The following WDR37 variants were observed in gnomAD, a reference collection of about 807,000 sequenced individuals.
WDR37 encodes WD repeat domain 37.
Under a neutral mutation model 62.9 loss-of-function variants are expected in WDR37, and 19 were observed. That is an observed-to-expected ratio of 0.30 (90% confidence interval 0.21 to 0.44). WDR37 has a LOEUF of 0.44. Among genes scored for constraint, WDR37 ranks in the 20% least tolerant of loss-of-function variants. WDR37 has a pLI of 1.00. For missense variants in WDR37, 474 were observed against 657.6 expected, an observed-to-expected ratio of 0.72 and a Z score of 3.05; for synonymous variants, 250 against 260.9, an observed-to-expected ratio of 0.96 and a Z score of 0.40.
At chr10:1,126,221 C>T (rs188212358) in intron 13 of WDR37, among the ~76,000 whole-genome samples, 98 of 152,142 alleles carry the variant, frequency 6.4e-4, no homozygotes, top group South Asian at 1.5e-3. Flanking sequence ...CTGACTAACA[C>T]GGTGAAACCC....
At chr10:1,059,907 T>C (rs967481921) in intron 1 of WDR37, among the ~76,000 whole-genome samples, 10 of 152,110 alleles carry the variant, frequency 6.6e-5, no homozygotes, top group Non-Finnish European at 1.2e-4. Context: ...TGCAGCGGCA[T>C]GATCTCAGCT....
At chr10:1,071,392 T>C (rs1240117284) in intron 1 of WDR37, among the ~76,000 whole-genome samples, 2 of 152,178 alleles carry the variant, frequency 1.3e-5, no homozygotes, top group Non-Finnish European at 2.9e-5. Flanking sequence ...AAAGAAGATA[T>C]GTGTGTAAAT....
intron 1 of WDR37, among the ~76,000 whole-genome samples, chr10:1,057,514 T>G (rs1429690020): frequency 6.6e-6 from 1 of 152,170 alleles, no homozygotes; most frequent in East Asian, 1.9e-4. Context: ...TGACGGATGC[T>G]GAAGTGATTA....
intron 7 of WDR37, among the ~76,000 whole-genome samples, chr10:1,088,346 C>T (rs1333055314): frequency 6.6e-6 from 1 of 152,214 alleles, no homozygotes; most frequent in Non-Finnish European, 1.5e-5. Context: ...GACTTGCCTT[C>T]CTCACTAAGC....
chr10:1,127,746 T>C (rs1015681125), intron 13 of WDR37, among the ~76,000 whole-genome samples: 2 of 152,036 alleles, frequency 1.3e-5, no homozygotes, highest in African/African-American at 4.8e-5. Context: ...AGGGTCCCTG[T>C]GATGTGGAGG....
intron 9 of WDR37, among the ~76,000 whole-genome samples, chr10:1,098,301 C>G (rs1470623058): frequency 6.8e-6 from 1 of 147,060 alleles, no homozygotes; most frequent in Admixed American, 6.8e-5. Context: ...TGCACGCTCT[C>G]TTTCTACCCC....
Position 1,073,220 on chromosome 10 carries a change from A to G in WDR37, c.138+927A>G, listed in dbSNP as rs1022189339. On this transcript the variant is annotated intron_variant, in intron 2 of 13. Coordinates refer to ENST00000263150, the MANE Select transcript of WDR37 (RefSeq NM_014023.4). ...ATCTAATATATGGTTATATATGTATATAACTATATGTAAACTTACAACCAT... is the reference window on the plus strand; with the variant it reads ...ATCTAATATATGGTTATATATGTATGTAACTATATGTAAACTTACAACCAT... Among the ~76,000 whole-genome samples, 4 of 152,344 alleles carry G rather than the reference A, an allele frequency of 2.6e-5. 1 individual carries two copies. Among genetic ancestry groups the G allele is most frequent in the South Asian group, 4.1e-4 (2 of 4,826 alleles).
intron 2 of WDR37, chr10:1,074,459 T>G: frequency 7.7e-7 from 1 of 1,304,414 alleles, no homozygotes; most frequent in Non-Finnish European, 1.0e-6. Flanking sequence ...TAGACGGAGC[T>G]CATTTGTTCA....
At position 1,080,421 on chromosome 10, in the gene WDR37, G is replaced by T. The variant is rs1476437265; in HGVS notation, c.341G>T (p.Ser114Ile). The change falls in exon 5 of 14, where the codon AGC (serine) becomes ATC (isoleucine). Residue 114 changes from serine to isoleucine, a missense_variant. Transcript: ENST00000263150. ...KGQLKTKASH[S>I]TSQLSQKLKT... The stretch of plus-strand genomic sequence containing the variant: ...CTCTCTGTCCCTGCAGCCAGTCACA[G>T]CACCAGCCAGCTCTCCCAGAAACTG... The T allele has an allele frequency of 6.2e-7, 1 of 1,614,172 alleles. No homozygotes were observed. The highest frequency in any genetic ancestry group is 8.5e-7 in the Non-Finnish European group (1 of 1,180,032).
At position 1,104,242 on chromosome 10, in the gene WDR37, G is replaced by T. The variant is rs1311470589; in HGVS notation, c.961+406G>T. 3.9e-5 allele frequency among the ~76,000 whole-genome samples: 6 copies of T among 152,176 alleles called. No individual in the cohort carries two copies. The East Asian group carries it at 1.2e-3, about 29-fold the overall frequency. ...CTAAGTGAGGGTGCTGCCTGGTCAGGACCTCCCCAAGGCTGCGGTCCTCTT... is the reference window on the plus strand; with the variant it reads ...CTAAGTGAGGGTGCTGCCTGGTCAGTACCTCCCCAAGGCTGCGGTCCTCTT... On this transcript the variant is annotated intron_variant, in intron 10 of 13. Coordinates refer to ENST00000263150, the MANE Select transcript of WDR37 (RefSeq NM_014023.4).
At chr10:1,114,823 C>A (rs1267353032) in intron 11 of WDR37, among the ~76,000 whole-genome samples, 1 of 152,234 alleles carries the variant, frequency 6.6e-6, no homozygotes, top group Non-Finnish European at 1.5e-5. Flanking sequence ...TGCTGCATTC[C>A]CTTGCACACA....
intron 9 of WDR37, among the ~76,000 whole-genome samples, chr10:1,098,353 A>C (rs1358267247): frequency 8.8e-6 from 1 of 113,340 alleles, no homozygotes; most frequent in Non-Finnish European, 1.7e-5. Context: ...TTTGAGATGG[A>C]GTCTCGCTCT....
At chr10:1,124,052 C>A in intron 11 of WDR37, 166 bp from the exon 12 acceptor site, 1 of 761,302 alleles carries the variant, frequency 1.3e-6, no homozygotes, top group Non-Finnish European at 2.1e-6. Flanking sequence ...CCTTTTCTTG[C>A]ACTGGTGGAG....
At chr10:1,080,259 T>A (rs1833989083) in intron 4 of WDR37, among the ~76,000 whole-genome samples, 153 bp downstream of exon 4, 1 of 152,188 alleles carries the variant, frequency 6.6e-6, no homozygotes, top group Admixed American at 6.5e-5. Context: ...GGAGCTCGGT[T>A]CTTGTTCCTG....
At chr10:1,102,917 C>T (rs1834875137) in intron 9 of WDR37, among the ~76,000 whole-genome samples, 2 of 152,156 alleles carry the variant, frequency 1.3e-5, no homozygotes, top group Non-Finnish European at 2.9e-5. Flanking sequence ...TTCCTACCTG[C>T]TAGATTGAGC....
chr10:1,107,185 C>T (rs569670529), intron 11 of WDR37, among the ~76,000 whole-genome samples: 90 of 152,320 alleles, frequency 5.9e-4, no homozygotes, highest in African/African-American at 1.9e-3. Flanking sequence ...GCTCGGGGAG[C>T]GCTGCTTCCC....
At chr10:1,100,855 C>T (rs1298081519) in intron 9 of WDR37, among the ~76,000 whole-genome samples, 1 of 152,182 alleles carries the variant, frequency 6.6e-6, no homozygotes, top group African/African-American at 2.4e-5. Context: ...GTACCGAGTA[C>T]CCCCCTGCTG....
chr10:1,111,482 A>G (rs1004235224), intron 11 of WDR37, among the ~76,000 whole-genome samples: 7 of 152,122 alleles, frequency 4.6e-5, no homozygotes, highest in African/African-American at 1.2e-4. Flanking sequence ...GCTTCACTGT[A>G]AGAAAGAAAA....
At chr10:1,059,652 G>A (rs1833310131) in intron 1 of WDR37, among the ~76,000 whole-genome samples, 1 of 151,848 alleles carries the variant, frequency 6.6e-6, no homozygotes, top group Non-Finnish European at 1.5e-5. Flanking sequence ...CAAAAAATTA[G>A]CCAGGCGTGG....
Sources: gnomAD v4.1 joint callset for allele counts (sites outside exome capture counted in the v4.1 genomes callset) on GRCh38, gnomAD v4.1.1 for gene constraint, MANE v1.5 for transcripts, NCBI Gene and HGNC (gene_info 2026-07-23, HGNC 2026-07-21) for gene names.